The following CNTNAP2 variants were observed in gnomAD, a reference collection of about 807,000 sequenced individuals.
CNTNAP2 encodes the protein contactin-associated protein-like 2.
CNTNAP2 carries 98 observed loss-of-function variants against 155.2 expected under a neutral mutation model. The observed-to-expected ratio is 0.63, with a 90% confidence interval of 0.54 to 0.75. CNTNAP2 has a LOEUF of 0.75. CNTNAP2 is among the 30% of genes least tolerant of loss of function. The probability of loss-of-function intolerance (pLI) is 0.00; values close to 1 mark genes in which losing one functional copy is unlikely to be tolerated. For synonymous variants in CNTNAP2, 651 were observed against 631.2 expected, an observed-to-expected ratio of 1.03 and a Z score of -0.47; for missense variants, 1,727 against 1,688.1, an observed-to-expected ratio of 1.02 and a Z score of -0.40.
chr7:147,836,535 G>C, intron 13 of CNTNAP2, among the ~76,000 whole-genome samples: 1 of 152,056 alleles, frequency 6.6e-6, no homozygotes. Flanking sequence ...CTTTATAATA[G>C]ATCAGCCCCA....
Position 146,933,698 on chromosome 7 carries a change from G to C in CNTNAP2, c.402+93794G>C, listed in dbSNP as rs1055211616. ...TTTCGCAACCTACTCATCTGACAAA[G>C]GGCTAGTATCCAGAATCTACAATGA... On this transcript the variant is annotated intron_variant, in intron 3 of 23. Coordinates refer to ENST00000361727, the MANE Select transcript of CNTNAP2 (RefSeq NM_014141.6). 4.0e-3 allele frequency among the ~76,000 whole-genome samples: 596 copies of C among 149,918 alleles called. 5 individuals are homozygous for C. The highest frequency in any genetic ancestry group is 0.014 in the African/African-American group (559 of 40,778).
intron 1 of CNTNAP2, among the ~76,000 whole-genome samples, chr7:146,660,143 G>T (rs1304987754): frequency 3.9e-5 from 6 of 152,150 alleles, no homozygotes; most frequent in Non-Finnish European, 4.4e-5. Context: ...TAATAAGGGA[G>T]GGCAATACAT....
chr7:146,904,661 C>T (rs200387545), intron 3 of CNTNAP2, among the ~76,000 whole-genome samples: 16 of 152,028 alleles, frequency 1.1e-4, no homozygotes, highest in East Asian at 1.9e-4. Context: ...TTAGTAGAGA[C>T]GGGGTTTCAC....
At chr7:147,788,746 C>G (rs1797773502) in intron 13 of CNTNAP2, among the ~76,000 whole-genome samples, 1 of 152,044 alleles carries the variant, frequency 6.6e-6, no homozygotes, top group African/African-American at 2.4e-5. Flanking sequence ...GCCTCCAACC[C>G]CCCTCATCAT....
intron 12 of CNTNAP2, among the ~76,000 whole-genome samples, chr7:147,570,693 C>G (rs1447199068): frequency 6.6e-6 from 1 of 152,112 alleles, no homozygotes; most frequent in African/African-American, 2.4e-5. Context: ...TATTGTTCTC[C>G]CATTTTTTGA....
At chr7:146,252,339 T>C (rs1799767691) in intron 1 of CNTNAP2, among the ~76,000 whole-genome samples, 4 of 152,162 alleles carry the variant, frequency 2.6e-5, no homozygotes, top group Admixed American at 2.6e-4. Context: ...TAATCCACTG[T>C]ATTACATATG....
chr7:147,839,791 T>A (rs1480930265), intron 13 of CNTNAP2, among the ~76,000 whole-genome samples: 1 of 152,188 alleles, frequency 6.6e-6, no homozygotes, highest in Non-Finnish European at 1.5e-5. Flanking sequence ...CCTGCACTTG[T>A]ATGCTTATTG....
chr7:148,264,387 T>C (rs17170931), intron 20 of CNTNAP2, among the ~76,000 whole-genome samples: 29,454 of 152,114 alleles, frequency 0.19, 2,985 homozygotes, highest in Middle Eastern at 0.25. Flanking sequence ...ATTTTTTCTA[T>C]AACGAACGTA....
intron 10 of CNTNAP2, among the ~76,000 whole-genome samples, chr7:147,411,920 C>T (rs1307788145): frequency 6.6e-6 from 1 of 152,086 alleles, no homozygotes; most frequent in East Asian, 1.9e-4. Flanking sequence ...TAAAAAAGTG[C>T]ATGCTTCCAG....
intron 1 of CNTNAP2, among the ~76,000 whole-genome samples, chr7:146,376,457 T>TA (rs923715406): frequency 6.6e-6 from 1 of 152,126 alleles, no homozygotes; most frequent in Non-Finnish European, 1.5e-5. Context: ...AAAGAAATGT[T>TA]AAAAAAAACT....
chr7:147,188,732 A>G (rs1802619279), intron 8 of CNTNAP2, among the ~76,000 whole-genome samples: 1 of 152,220 alleles, frequency 6.6e-6, no homozygotes, highest in African/African-American at 2.4e-5. Flanking sequence ...TCTGGATAAG[A>G]GCAAAAGTAA....
At chr7:147,823,997 T>A (rs923118749) in intron 13 of CNTNAP2, among the ~76,000 whole-genome samples, 1 of 152,168 alleles carries the variant, frequency 6.6e-6, no homozygotes, top group African/African-American at 2.4e-5. Flanking sequence ...CTAGCAGACA[T>A]CAAGGCATTC....
chr7:146,973,003 CT>C (rs1340004959), intron 3 of CNTNAP2, among the ~76,000 whole-genome samples: 2 of 152,138 alleles, frequency 1.3e-5, no homozygotes, highest in Non-Finnish European at 2.9e-5. Context: ...AATTCAGTTT[CT>C]CAGTCACACT....
intron 1 of CNTNAP2, among the ~76,000 whole-genome samples, chr7:146,580,270 G>A (rs146843599): frequency 8.5e-5 from 13 of 152,104 alleles, no homozygotes; most frequent in East Asian, 5.8e-4. Context: ...AGTAACATGC[G>A]TTGTATGACT....
At chr7:146,669,339 G>T (rs542814405) in intron 1 of CNTNAP2, among the ~76,000 whole-genome samples, 6 of 152,228 alleles carry the variant, frequency 3.9e-5, no homozygotes, top group African/African-American at 1.2e-4. Flanking sequence ...AATCTGAATA[G>T]AAACCTATTT....
chr7:148,222,543 G>GAATGGATCATTCCATGAATCT (rs1563000727), intron 19 of CNTNAP2, among the ~76,000 whole-genome samples: 45 of 143,156 alleles, frequency 3.1e-4, no homozygotes, highest in South Asian at 2.4e-3. Flanking sequence ...TCCATGAATC[G>GAATGGATCATTCCATGAATCT]ATGAATGGAT....
At chr7:146,518,585 C>A (rs943969942) in intron 1 of CNTNAP2, among the ~76,000 whole-genome samples, 12 of 151,546 alleles carry the variant, frequency 7.9e-5, no homozygotes, top group Non-Finnish European at 1.3e-4. Context: ...CTTAATACAA[C>A]TTTTTTTTGA....
At chr7:146,575,787 C>A (rs922648545) in intron 1 of CNTNAP2, among the ~76,000 whole-genome samples, 8 of 152,186 alleles carry the variant, frequency 5.3e-5, no homozygotes, top group African/African-American at 1.9e-4. Flanking sequence ...AAGAATGCAA[C>A]TTCCTAGCAG....
intron 9 of CNTNAP2, among the ~76,000 whole-genome samples, chr7:147,386,861 AC>A (rs1796633948): frequency 6.6e-6 from 1 of 152,188 alleles, no homozygotes; most frequent in South Asian, 2.1e-4. Context: ...GCTGATAAAA[AC>A]ATACTCGAGA....
Sources: allele counts gnomAD v4.1 joint callset (sites outside exome capture counted in the v4.1 genomes callset), GRCh38; gene constraint gnomAD v4.1.1; transcripts MANE v1.5; gene names NCBI Gene and HGNC (gene_info 2026-07-23, HGNC 2026-07-21).